The following JAK1 variants were observed in gnomAD, a reference collection of about 807,000 sequenced individuals.
JAK1 encodes the protein tyrosine-protein kinase JAK1.
In JAK1, 16 loss-of-function variants were observed where a neutral mutation model predicts 136.6. The observed-to-expected ratio is 0.12, with a 90% CI of 0.08 to 0.18. The LOEUF (loss-of-function observed/expected upper bound fraction) is 0.18, where lower values mean the gene tolerates loss of function less well. Among genes scored for constraint, JAK1 ranks in the 10% least tolerant of loss-of-function variants. The pLI is 1.00. For synonymous variants in JAK1, 492 were observed against 519.5 expected (o/e 0.95, Z 0.72); for missense variants, 859 against 1,450.1 (o/e 0.59, Z 6.62).
At chr1:64,852,007 G>A (rs919493243) in intron 11 of JAK1, among the ~76,000 whole-genome samples, 5 of 152,146 alleles carry the variant, frequency 3.3e-5, no homozygotes, top group Admixed American at 1.3e-4. Context: ...CACACACACC[G>A]CTGGGAGACA....
In JAK1 at chr1:64,845,599, G is replaced by C. The variant is rs1481304776; in HGVS notation, c.2029C>G (p.Leu677Val). ...ACATCGCTTTTCCGGTGCATGAAGA[G>C]ATCCAGAGGACCCCCTTCCACAAAC... Reference protein sequence around the residue: ...EEFVEGGPLDLFMHRKSDVLT... With the variant: ...EEFVEGGPLDVFMHRKSDVLT... Residue 677 changes from leucine to valine, a missense_variant, in exon 15 of 25, where the codon CTC becomes GTC. Leu to Val is a conservative substitution (Grantham distance 32). This residue lies in a region of JAK1 where 409 missense variants were observed against 753.8 expected (regional missense o/e 0.54). Coordinates refer to ENST00000342505, the MANE Select transcript of JAK1 (RefSeq NM_002227.4). 1 of 1,614,020 alleles carries C rather than the reference G, an allele frequency of 6.2e-7. No individual in the cohort carries two copies. Among genetic ancestry groups the C allele is most frequent in the Non-Finnish European group, 8.5e-7 (1 of 1,180,008 alleles).
At chr1:65,043,700 A>ATTTTTTT (rs112982943) in intron 2 of JAK1, among the ~76,000 whole-genome samples, 1 of 101,266 alleles carries the variant, frequency 9.9e-6, no homozygotes, top group Non-Finnish European at 2.1e-5. Flanking sequence ...CACCTGGCTA[A>ATTTTTTT]TTTTTTTTTT....
At chr1:65,049,047 T>C (rs1436389035) in intron 1 of JAK1, among the ~76,000 whole-genome samples, 3 of 152,172 alleles carry the variant, frequency 2.0e-5, no homozygotes, top group East Asian at 1.9e-4. Flanking sequence ...TCACTGTCAA[T>C]AGCCTTTTTC....
intron 10 of JAK1, 28 bp downstream of exon 10, chr1:64,857,628 C>T: frequency 1.9e-6 from 3 of 1,612,918 alleles, no homozygotes; most frequent in Non-Finnish European, 2.5e-6. Flanking sequence ...GGCTGTATGG[C>T]CTGGTCCAAG....
At chr1:64,839,567 A>C in intron 20 of JAK1, 36 bp downstream of exon 20, 2 of 1,595,348 alleles carry the variant, frequency 1.3e-6, no homozygotes, top group Non-Finnish European at 1.7e-6. Flanking sequence ...ACAGTCACCA[A>C]ATCTTTAAAC....
chr1:64,867,557 A>G (rs1395632229), intron 6 of JAK1, among the ~76,000 whole-genome samples: 1 of 152,262 alleles, frequency 6.6e-6, no homozygotes, highest in Admixed American at 6.5e-5. Flanking sequence ...CACTGTTACT[A>G]GGATTGAGCA....
rs573701326 is a variant in JAK1, at chr1:65,061,105, C to T, written c.-181+6499G>A. Among the ~76,000 whole-genome samples, 31 of 152,276 alleles carry T rather than the reference C, an allele frequency of 2.0e-4. 1 individual carries two copies. The highest frequency in any genetic ancestry group is 6.3e-4 in the African/African-American group (26 of 41,548). On this transcript the variant is annotated intron_variant, in intron 1 of 25. Transcript: ENST00000671954. ...CAGGCACTTATAGAAAACTGGCACACCAAAGAACTTTTAAAATAACGTGGA... is the reference window on the plus strand; with the variant it reads ...CAGGCACTTATAGAAAACTGGCACATCAAAGAACTTTTAAAATAACGTGGA...
At chr1:64,849,194 A>AT (rs151322128) in intron 12 of JAK1, among the ~76,000 whole-genome samples, 28 of 147,722 alleles carry the variant, frequency 1.9e-4, no homozygotes, top group African/African-American at 5.0e-4. Context: ...GGAGACCCTG[A>AT]TTTTTTTTTT....
At chr1:65,041,478 T>C (rs1430685437) in intron 2 of JAK1, among the ~76,000 whole-genome samples, 1 of 152,040 alleles carries the variant, frequency 6.6e-6, no homozygotes, top group Non-Finnish European at 1.5e-5. Flanking sequence ...ACCCTGGATA[T>C]GCCTAGCGAC....
At chr1:64,985,476 T>G (rs1393529881) in intron 2 of JAK1, 2 of 1,602,110 alleles carry the variant, frequency 1.2e-6, no homozygotes, top group Non-Finnish European at 1.7e-6. Context: ...TCTGGGACTT[T>G]CAGGGCAAAA....
chr1:64,994,374 A>G (rs943552519), intron 2 of JAK1, among the ~76,000 whole-genome samples: 1 of 152,238 alleles, frequency 6.6e-6, no homozygotes, highest in Non-Finnish European at 1.5e-5. Flanking sequence ...CGGAAGGAAC[A>G]TATCTTAGTT....
Position 64,865,356 on chromosome 1 carries a change from G to A in JAK1, c.991-384C>T, listed in dbSNP as rs528062885. On this transcript the variant is annotated intron_variant, in intron 7 of 24. Transcript: ENST00000342505. ...TAACATACTCTTCCCAGTTACCACT[G>A]AGCTGAACATGAGCTTTCTCCTATC... Among the ~76,000 whole-genome samples the A allele has an allele frequency of 2.6e-5, 4 of 152,292 alleles. No homozygotes were observed. In the South Asian group the frequency reaches 8.3e-4, roughly 32 times the overall value.
intron 1 of JAK1, among the ~76,000 whole-genome samples, chr1:64,893,061 ATTAAGGAG>A (rs1001859809): frequency 6.6e-5 from 10 of 152,100 alleles, no homozygotes; most frequent in African/African-American, 2.4e-4. Flanking sequence ...CTGAGAGGGG[ATTAAGGAG>A]AGAGGAATCT....
intron 1 of JAK1, among the ~76,000 whole-genome samples, chr1:64,965,313 C>G (rs1646352426): frequency 6.6e-6 from 1 of 152,102 alleles, no homozygotes; most frequent in African/African-American, 2.4e-5. Context: ...TGTACTCAAC[C>G]AGGGGCAGAA....
At chr1:64,912,679 GA>G (rs1645304613) in intron 1 of JAK1, among the ~76,000 whole-genome samples, 1 of 152,162 alleles carries the variant, frequency 6.6e-6, no homozygotes, top group Admixed American at 6.5e-5. Flanking sequence ...CATTCCGGGA[GA>G]ACTTTGCCAA....
intron 1 of JAK1, among the ~76,000 whole-genome samples, chr1:65,064,485 G>A (rs56239754): frequency 0.052 from 7,898 of 152,254 alleles, 398 homozygotes; most frequent in East Asian, 0.24. Flanking sequence ...CAACACTTCA[G>A]TGATTATCGT....
intron 11 of JAK1, among the ~76,000 whole-genome samples, chr1:64,854,108 T>C (rs1655772873): frequency 6.6e-6 from 1 of 152,182 alleles, no homozygotes; most frequent in Admixed American, 6.5e-5. Flanking sequence ...GGAACCCCTA[T>C]CTGATCAAGA....
intron 1 of JAK1, among the ~76,000 whole-genome samples, chr1:64,955,237 T>C (rs1646162753): frequency 6.6e-6 from 1 of 152,226 alleles, no homozygotes. Context: ...CGTGACTGCA[T>C]AGTGGAGGTG....
intron 19 of JAK1, 89 bp downstream of exon 19, chr1:64,841,153 AAAG>A: frequency 1.1e-6 from 1 of 947,224 alleles, no homozygotes; most frequent in Non-Finnish European, 1.7e-6. Flanking sequence ...CCAGAATGAA[AAAG>A]AATGGAGAGC....
Sources: allele counts gnomAD v4.1 joint callset (sites outside exome capture counted in the v4.1 genomes callset), GRCh38; gene constraint gnomAD v4.1.1; regional missense constraint gnomAD v4.1.1; transcripts MANE v1.5; gene names NCBI Gene and HGNC (gene_info 2026-07-23, HGNC 2026-07-21).